Variants in CCHCR1 observed in about 807,000 individuals in gnomAD.
CCHCR1 encodes HCR (a-helix coiled-coil rod homologue).
Under a neutral mutation model 114.6 loss-of-function variants are expected in CCHCR1, and 91 were observed. The observed-to-expected ratio is 0.79, with a 90% CI of 0.67 to 0.94. CCHCR1 has a LOEUF of 0.94. Ranked by LOEUF, CCHCR1 falls within the 40% of genes least tolerant of loss-of-function variation. CCHCR1 has a pLI of 0.00. For missense variants in CCHCR1, 899 were observed against 1,079.9 expected (o/e 0.83, Z 2.35); for synonymous variants, 379 against 428.5 (o/e 0.88, Z 1.43).
chr6:31,145,309 C>A lies in CCHCR1; in HGVS notation c.1740-7G>T. ...CGGTGGTGGTAGGGGACAGCTGGGA[C>A]GGGGAAGAGAAAGAGTCAGAAGAAA... On this transcript the variant is annotated splice_region_variant and splice_polypyrimidine_tract_variant and intron_variant, in intron 12 of 17. Transcript: ENST00000396268. 6.2e-7 allele frequency: 1 copy of A among 1,613,730 alleles called. No individual in the cohort carries two copies. The highest frequency in any genetic ancestry group is 8.5e-7 in the Non-Finnish European group (1 of 1,179,802).
chr6:31,149,840 C>T (rs1410778222), intron 8 of CCHCR1, among the ~76,000 whole-genome samples: 1 of 152,186 alleles, frequency 6.6e-6, no homozygotes, highest in Non-Finnish European at 1.5e-5. Flanking sequence ...AGCCACTGCA[C>T]CTGGCTTCAA....
rs130069 is a variant in CCHCR1 at position 31,148,468 on chromosome 6, C to T, written c.1517G>A (p.Arg506Gln). The T allele has an allele frequency of 0.043, 68,942 of 1,612,760 alleles. 2,376 individuals carry two copies. The highest frequency in any genetic ancestry group is 0.086 in the Middle Eastern group (519 of 6,062). ...ELSRAQEARRRWQQQTASAEE... is the reference protein window; with the variant it reads ...ELSRAQEARRQWQQQTASAEE... ...GGCTGAGGCTGTCTGCTGCTGCCAC[C>T]GACGCCTGGCCTCCTGAGCACGGCT... The change falls in exon 10 of 18, where the codon CGG becomes CAG. Residue 506 changes from arginine to glutamine, a missense_variant. Physicochemically the swap from Arg to Gln is conservative, Grantham distance 43. Transcript: ENST00000396268.
Position 31,150,419 on chromosome 6 carries a change from C to A in CCHCR1, c.1212+36G>T, listed in dbSNP as rs530170835. 1.5e-4 allele frequency: 225 copies of A among 1,548,614 alleles called. 1 individual carries two copies. The highest frequency in any genetic ancestry group is 1.9e-4 in the Admixed American group (11 of 59,126). Reference sequence around the variant, plus strand: ...GGCAGGGGACAGTAGATGCAGGATGCGGCTGAGGGTGAGGGGTCTGGGGGT... The same window carrying A: ...GGCAGGGGACAGTAGATGCAGGATGAGGCTGAGGGTGAGGGGTCTGGGGGT... On this transcript the variant is annotated intron_variant, in intron 7 of 17. Transcript: ENST00000396268. This position sits in a 1 kb window ranked among gnomAD's most constrained non-coding sequence, Gnocchi z 5.3.
At position 31,150,659 on chromosome 6, in the gene CCHCR1, A is replaced by C; in HGVS notation, c.1101+66T>G. 6.3e-7 allele frequency: 1 copy of C among 1,597,032 alleles called. No individual in the cohort carries two copies. The highest frequency in any genetic ancestry group is 8.5e-7 in the Non-Finnish European group (1 of 1,170,186). Reference sequence around the variant, plus strand: ...GAGGCTGTGCTCTACACGCTCCTCCAAGGGCCACGCTTGCCTCCCAACCTG... The same window carrying C: ...GAGGCTGTGCTCTACACGCTCCTCCCAGGGCCACGCTTGCCTCCCAACCTG... On this transcript the variant is annotated intron_variant, in intron 6 of 17. Coordinates refer to ENST00000396268, the MANE Select transcript of CCHCR1 (RefSeq NM_001105564.2). The surrounding 1 kb of genome is among the most constrained non-coding windows in gnomAD (Gnocchi z 5.3).
chr6:31,143,513 G>A lies in CCHCR1; in HGVS notation c.2168-100C>T. On this transcript the variant is annotated intron_variant, in intron 15 of 17. Coordinates refer to ENST00000396268, the MANE Select transcript of CCHCR1 (RefSeq NM_001105564.2). This position sits in a 1 kb window ranked among gnomAD's most constrained non-coding sequence, Gnocchi z 5.3. ...ACAAACGCTGGGTCACCAACTCTGTGGCTTGGGGAGGCTGTTCTGCTCTGT... is the reference window on the plus strand; with the variant it reads ...ACAAACGCTGGGTCACCAACTCTGTAGCTTGGGGAGGCTGTTCTGCTCTGT... 8.0e-7 allele frequency: 1 copy of A among 1,249,650 alleles called. No homozygotes were observed. 77.4% of individuals were successfully genotyped at this position (1,249,650 alleles called of 1,614,324 possible).
Position 31,150,632 on chromosome 6 carries a change from C to T in CCHCR1, c.1102-67G>A, listed in dbSNP as rs763523578. ...CCGCCTTAGGTACCACCTTCTCTCC[C>T]GGAGGCTGTGCTCTACACGCTCCTC... On this transcript the variant is annotated intron_variant, in intron 6 of 17. Coordinates refer to ENST00000396268, the MANE Select transcript of CCHCR1 (RefSeq NM_001105564.2). This position sits in a 1 kb window ranked among gnomAD's most constrained non-coding sequence, Gnocchi z 5.3. 4.5e-5 allele frequency: 71 copies of T among 1,588,786 alleles called. No individual in the cohort carries two copies. The highest frequency in any genetic ancestry group is 5.5e-5 in the Non-Finnish European group (64 of 1,163,374).
intron 4 of CCHCR1, among the ~76,000 whole-genome samples, chr6:31,153,721 A>G (rs1381559846): frequency 1.3e-5 from 2 of 152,200 alleles, no homozygotes; most frequent in African/African-American, 2.4e-5. Flanking sequence ...CTGGGATTAC[A>G]GGTGCGCACC....
chr6:31,156,946 T>C lies in CCHCR1; in HGVS notation c.284-2A>G. 1 of 1,612,784 alleles carries C rather than the reference T, an allele frequency of 6.2e-7. No homozygotes were observed. The highest frequency in any genetic ancestry group is 8.5e-7 in the Non-Finnish European group (1 of 1,179,926). On this transcript the variant is annotated splice_acceptor_variant, in intron 2 of 17. Coordinates refer to ENST00000396268, the MANE Select transcript of CCHCR1 (RefSeq NM_001105564.2). LOFTEE classifies it high-confidence loss of function. ...AGGGGGGAATCAGCCCAGTGGAACC[T>C]GAAGAATTACAAAAACAAAGATGGT...
At position 31,157,063 on chromosome 6, in the gene CCHCR1, A is replaced by G; in HGVS notation, c.243T>C (p.Asn81=). The G allele has an allele frequency of 6.2e-7, 1 of 1,612,230 alleles. No homozygotes were observed. The highest frequency in any genetic ancestry group is 8.5e-7 in the Non-Finnish European group (1 of 1,179,614). ...TCTCCACATTATTTGAAGGCTCTAG[A>G]TTCTGTCTCCAGCCATCTATGTTCC... The part of the protein sequence containing the change: ...RRGNIDGWRQ[N]LEPSNNVEMF... The change falls in exon 2 of 18, where the codon AAT becomes AAC. Residue 81 remains asparagine, a synonymous_variant. Coordinates refer to ENST00000396268, the MANE Select transcript of CCHCR1 (RefSeq NM_001105564.2).
rs769289623 is a variant in CCHCR1, at chr6:31,145,064, T to C, written c.1886A>G (p.Glu629Gly). Residue 629 changes from glutamate to glycine, a missense_variant, in exon 14 of 18, where the codon GAG becomes GGG. By Grantham distance (98) the Glu-to-Gly change is moderately conservative. Coordinates refer to ENST00000396268, the MANE Select transcript of CCHCR1 (RefSeq NM_001105564.2). Reference protein sequence around the residue: ...VGRAREQGEAERQQLSKVAQQ... With the variant: ...VGRAREQGEAGRQQLSKVAQQ... The stretch of plus-strand genomic sequence containing the variant: ...GGCCACCTTGCTCAGCTGCTGCCGC[T>C]CTGCCTCCCCTAAAAGGAGGGGGTG... 2 of 1,600,774 alleles carry C rather than the reference T, an allele frequency of 1.2e-6. No individual in the cohort carries two copies. The highest frequency in any genetic ancestry group is 4.5e-5 in the East Asian group (2 of 44,780).
At chr6:31,147,572 A>G (rs1361539372) in intron 10 of CCHCR1, among the ~76,000 whole-genome samples, 1 of 152,186 alleles carries the variant, frequency 6.6e-6, no homozygotes, top group Non-Finnish European at 1.5e-5. Context: ...AGGAGAGACA[A>G]AGGCTGGCAA....
In CCHCR1 at chr6:31,157,441, G is replaced by A; in HGVS notation, c.160C>T (p.Pro54Ser). ...RWRSRPLHCVPPFSPLARSSR... is the reference protein window; with the variant it reads ...RWRSRPLHCVSPFSPLARSSR... ...CTCCTGGCCAGAGGTGAGAAAGGAG[G>A]TACACAGTGCAGGGGTCTTGAGCGC... Residue 54 changes from proline (P) to serine (S), a missense_variant, in exon 1 of 18, where the codon CCT becomes TCT. Pro to Ser is a moderately conservative substitution (Grantham distance 74). Coordinates refer to ENST00000396268, the MANE Select transcript of CCHCR1 (RefSeq NM_001105564.2). 4 of 1,613,056 alleles carry A rather than the reference G, an allele frequency of 2.5e-6. No homozygotes were observed. The highest frequency in any genetic ancestry group is 3.4e-6 in the Non-Finnish European group (4 of 1,180,032).
At chr6:31,152,084 C>T (rs1775306570) in intron 4 of CCHCR1, among the ~76,000 whole-genome samples, 1 of 152,064 alleles carries the variant, frequency 6.6e-6, no homozygotes, top group African/African-American at 2.4e-5. Flanking sequence ...ATCACAAGGT[C>T]AGGAGATCGA....
intron 4 of CCHCR1, among the ~76,000 whole-genome samples, chr6:31,152,593 C>G (rs1000000566): frequency 1.3e-5 from 2 of 152,142 alleles, no homozygotes; most frequent in Admixed American, 1.3e-4. Flanking sequence ...CCCGCCTCAG[C>G]TTCCCAAAGT....
Position 31,154,598 on chromosome 6 carries a change from C to T in CCHCR1, c.699G>A (p.Glu233=). 6.2e-7 allele frequency: 1 copy of T among 1,613,100 alleles called. No homozygotes were observed. Among genetic ancestry groups the T allele is most frequent in the Non-Finnish European group, 8.5e-7 (1 of 1,180,048 alleles). The change falls in exon 4 of 18, where the codon GAG becomes GAA. Residue 233 remains glutamate (E), a synonymous_variant. Coordinates refer to ENST00000396268, the MANE Select transcript of CCHCR1 (RefSeq NM_001105564.2). This position sits in a 1 kb window ranked among gnomAD's most constrained non-coding sequence, Gnocchi z 4.1. ...RAEKAGRAEA[E]GLRAALAGAE... ...CCCCAGCCAAAGCAGCACGCAGGCC[C>T]TCAGCCTCAGCTCGGCCGGCCTTCT... is the stretch of plus-strand genomic sequence containing the variant.
In CCHCR1 at chr6:31,155,814, C is replaced by T. The variant is rs117552809; in HGVS notation, c.497+917G>A. 6.8e-3 allele frequency among the ~76,000 whole-genome samples: 1,028 copies of T among 152,254 alleles called. 36 individuals are homozygous for T. The East Asian group carries it at 0.1, about 15-fold the overall frequency. Reference sequence around the variant, plus strand: ...TGTCGTTTTTAGAGACAGGGTATCACTGTGTCACCCAGGCCTCAATGCAGT... The same window carrying T: ...TGTCGTTTTTAGAGACAGGGTATCATTGTGTCACCCAGGCCTCAATGCAGT... On this transcript the variant is annotated intron_variant, in intron 3 of 17. Transcript: ENST00000396268.
intron 3 of CCHCR1, among the ~76,000 whole-genome samples, chr6:31,155,880 C>G (rs960956569): frequency 6.6e-6 from 1 of 152,164 alleles, no homozygotes; most frequent in Non-Finnish European, 1.5e-5. Context: ...CTTCTGAGCT[C>G]AAGGGGTCCT....
chr6:31,150,395 G>A lies in CCHCR1; in HGVS notation c.1212+60C>T. ...ACCCCTCCTGCCCACAGGGAGGGAG[G>A]CAGGGGACAGTAGATGCAGGATGCG... On this transcript the variant is annotated intron_variant, in intron 7 of 17. Coordinates refer to ENST00000396268, the MANE Select transcript of CCHCR1 (RefSeq NM_001105564.2). This position sits in a 1 kb window ranked among gnomAD's most constrained non-coding sequence, Gnocchi z 5.3. The A allele has an allele frequency of 6.8e-7, 1 of 1,462,108 alleles. No homozygotes were observed. The highest frequency in any genetic ancestry group is 2.3e-5 in the East Asian group (1 of 43,858). 90.6% of individuals were successfully genotyped at this position (1,462,108 alleles called of 1,614,324 possible).
At chr6:31,152,170 C>A (rs987443897) in intron 4 of CCHCR1, among the ~76,000 whole-genome samples, 21 of 151,194 alleles carry the variant, frequency 1.4e-4, no homozygotes, top group African/African-American at 5.1e-4. Flanking sequence ...TGGCGGGCGC[C>A]TGTAGTCCCA....
Sources: gnomAD v4.1 joint callset for allele counts (sites outside exome capture counted in the v4.1 genomes callset) on GRCh38, gnomAD v4.1.1 for gene constraint, Gnocchi (gnomAD v3.1) non-coding constraint, MANE v1.5 for transcripts, NCBI Gene and HGNC (gene_info 2026-07-23, HGNC 2026-07-21) for gene names.